The following CUBN variants were observed in gnomAD, a reference collection of about 807,000 sequenced individuals.
The protein encoded by CUBN is cubilin, also known as 460 kDa receptor.
CUBN carries 282 observed loss-of-function variants against 405.3 expected under a neutral mutation model. The ratio of observed to expected loss-of-function variants is 0.70; its 90% CI spans 0.63 to 0.77. The LOEUF is 0.77. Ranked by LOEUF, CUBN falls within the 30% of genes least tolerant of loss-of-function variation. The probability of loss-of-function intolerance (pLI) is 0.00; values close to 1 mark genes in which losing one functional copy is unlikely to be tolerated. For synonymous variants in CUBN, 1,684 were observed against 1,617.0 expected (o/e 1.04, Z -0.99); for missense variants, 4,514 against 4,475.2 (o/e 1.01, Z -0.25).
intron 22 of CUBN, among the ~76,000 whole-genome samples, chr10:17,053,644 T>G (rs1160845614): frequency 6.6e-6 from 1 of 152,110 alleles, no homozygotes; most frequent in Non-Finnish European, 1.5e-5. Flanking sequence ...TTTTAACACC[T>G]TTCTCTCAGT....
chr10:16,936,739 G>A (rs1019834482), intron 39 of CUBN, among the ~76,000 whole-genome samples: 4 of 152,126 alleles, frequency 2.6e-5, no homozygotes. Context: ...TCGAAACGGA[G>A]TCTCACTCTG....
intron 43 of CUBN, among the ~76,000 whole-genome samples, chr10:16,923,720 T>A (rs1842103614): frequency 6.6e-6 from 1 of 152,160 alleles, no homozygotes; most frequent in Admixed American, 6.5e-5. Flanking sequence ...ACACCCTTAG[T>A]GTATCTCTTA....
intron 29 of CUBN, 137 bp downstream of exon 29, chr10:16,990,197 C>G: frequency 2.3e-6 from 2 of 880,564 alleles, no homozygotes; most frequent in South Asian, 1.4e-5. Context: ...AAATGATCAC[C>G]GAAGGGCTGA....
rs758557930 is a variant in CUBN, at chr10:16,890,406, G to T, written c.8720C>A (p.Ala2907Glu). 2.5e-6 allele frequency: 4 copies of T among 1,613,770 alleles called. No homozygotes were observed. The highest frequency in any genetic ancestry group is 1.7e-5 in the Admixed American group (1 of 59,998). ...TFTAVFQSQE[A>E]PAQGFSASFV... ...GGACGCGGAGAAGCCCTGAGCTGGTGCCTCCTGAGACTGGAAGACGGCAGT... is the reference window on the plus strand; with the variant it reads ...GGACGCGGAGAAGCCCTGAGCTGGTTCCTCCTGAGACTGGAAGACGGCAGT... Residue 2907 changes from alanine (A) to glutamate (E), a missense_variant, in exon 55 of 67, where the codon GCA (alanine) becomes GAA (glutamate). Ala to Glu is a moderately radical substitution (Grantham distance 107). This residue lies in a region of CUBN where 1,186 missense variants were observed against 1,186.9 expected (regional missense o/e 1.00). Coordinates refer to ENST00000377833, the MANE Select transcript of CUBN (RefSeq NM_001081.4).
At chr10:16,850,632 C>T (rs1409070025) in intron 60 of CUBN, among the ~76,000 whole-genome samples, 9 of 152,048 alleles carry the variant, frequency 5.9e-5, no homozygotes, top group African/African-American at 1.4e-4. Context: ...CCGCCACACC[C>T]GGCTAATTTT....
At chr10:16,961,182 CCA>C (rs1843207013) in intron 31 of CUBN, among the ~76,000 whole-genome samples, 1 of 152,146 alleles carries the variant, frequency 6.6e-6, no homozygotes, top group South Asian at 2.1e-4. Context: ...AGGGATCCTC[CCA>C]CCTCAGCCTC....
chr10:16,843,414 G>A (rs1219630791), intron 60 of CUBN, among the ~76,000 whole-genome samples: 3 of 152,138 alleles, frequency 2.0e-5, no homozygotes, highest in South Asian at 2.1e-4. Context: ...ATGTAAGACA[G>A]GAATGACTAA....
At chr10:17,004,523 G>T (rs547035004) in intron 28 of CUBN, among the ~76,000 whole-genome samples, 1 of 152,202 alleles carries the variant, frequency 6.6e-6, no homozygotes, top group South Asian at 2.1e-4. Flanking sequence ...GTCTTTATCT[G>T]GGATTTCCTA....
chr10:16,900,941 T>G, intron 52 of CUBN, 91 bp from the exon 53 acceptor site: 1 of 927,158 alleles, frequency 1.1e-6, no homozygotes, highest in East Asian at 2.6e-5. Flanking sequence ...TTTGTTTTTA[T>G]TTTTATAATT....
intron 60 of CUBN, among the ~76,000 whole-genome samples, chr10:16,843,356 G>A (rs1428564431): frequency 6.6e-6 from 1 of 152,156 alleles, no homozygotes; most frequent in Non-Finnish European, 1.5e-5. Flanking sequence ...CAAGGCCTCA[G>A]AACAGCCATG....
chr10:16,888,234 T>C (rs1462245430), intron 56 of CUBN, among the ~76,000 whole-genome samples, 183 bp downstream of exon 56: 1 of 152,196 alleles, frequency 6.6e-6, no homozygotes, highest in Non-Finnish European at 1.5e-5. Context: ...ACTTAAAAAT[T>C]GCTAAGAGAG....
At chr10:16,866,926 G>A (rs568283456) in intron 59 of CUBN, among the ~76,000 whole-genome samples, 7 of 152,236 alleles carry the variant, frequency 4.6e-5, no homozygotes, top group Admixed American at 4.6e-4. Context: ...GCTGTGACTC[G>A]CTAGCAATAC....
Position 17,047,342 on chromosome 10 carries a change from A to T in CUBN, c.3329+72T>A. On this transcript the variant is annotated intron_variant, in intron 23 of 66. Transcript: ENST00000377833. Reference sequence around the variant, plus strand: ...GAGAATTTCCATATTTTTTTCCTTAATCTTCCTAGGAAAGATTATTAATGA... The same window carrying T: ...GAGAATTTCCATATTTTTTTCCTTATTCTTCCTAGGAAAGATTATTAATGA... 3.9e-6 allele frequency: 5 copies of T among 1,280,166 alleles called. No homozygotes were observed. In the Admixed American group the frequency reaches 7.8e-5, roughly 20 times the overall value. The allele number at this position is 1,280,166 out of a possible 1,614,324, so 79.3% of individuals were successfully genotyped here. A position where few individuals can be genotyped will look rare whatever the true frequency, so the allele number is the denominator to read the frequency against.
intron 17 of CUBN, among the ~76,000 whole-genome samples, chr10:17,080,168 C>A (rs1835936797): frequency 6.6e-6 from 1 of 152,160 alleles, no homozygotes; most frequent in African/African-American, 2.4e-5. Flanking sequence ...TGTAGTCTTT[C>A]ATTTTTTATT....
At chr10:17,003,169 C>G (rs964322843) in intron 28 of CUBN, among the ~76,000 whole-genome samples, 1 of 152,114 alleles carries the variant, frequency 6.6e-6, no homozygotes, top group Admixed American at 6.6e-5. Flanking sequence ...AAATTTCTAC[C>G]AAAACCAAGC....
chr10:16,969,432 G>A (rs1309020333), intron 31 of CUBN, among the ~76,000 whole-genome samples: 2 of 151,590 alleles, frequency 1.3e-5, no homozygotes, highest in African/African-American at 2.4e-5. Context: ...TCAGCTCACT[G>A]CAGCCTCCGC....
intron 56 of CUBN, among the ~76,000 whole-genome samples, chr10:16,886,843 C>T (rs1227191864): frequency 1.3e-5 from 2 of 152,244 alleles, no homozygotes; most frequent in African/African-American, 4.8e-5. Flanking sequence ...GGCTGGAGTG[C>T]AATGGCATGA....
chr10:17,088,192 T>G lies in CUBN; in HGVS notation c.1919A>C (p.His640Pro). 1.2e-6 allele frequency: 2 copies of G among 1,613,564 alleles called. No homozygotes were observed. Among genetic ancestry groups the G allele is most frequent in the East Asian group, 4.5e-5 (2 of 44,872 alleles). ...AAGGTAATCTTTGTTGCAGTCATCA[T>G]GGTGCTCGAGGCTCAAGGTCCCAAA... The part of the protein sequence containing the change: ...FTFGTLSLEH[H>P]DDCNKDYLEI... Residue 640 changes from histidine to proline, a missense_variant, in exon 15 of 67, where the codon CAT (histidine) becomes CCT (proline). His to Pro is a moderately conservative substitution (Grantham distance 77, BLOSUM62 -2). Coordinates refer to ENST00000377833, the MANE Select transcript of CUBN (RefSeq NM_001081.4).
chr10:16,983,633 C>T (rs1402903670), intron 30 of CUBN, among the ~76,000 whole-genome samples: 2 of 152,188 alleles, frequency 1.3e-5, no homozygotes, highest in East Asian at 3.8e-4. Context: ...CTATTTTGTG[C>T]CATAGATTTT....
Sources: gnomAD v4.1 joint callset for allele counts (sites outside exome capture counted in the v4.1 genomes callset) on GRCh38, gnomAD v4.1.1 for gene constraint, gnomAD v4.1.1 regional missense constraint, MANE v1.5 for transcripts, NCBI Gene and HGNC (gene_info 2026-07-23, HGNC 2026-07-21) for gene names.